Variants in PTGFRN observed in about 807,000 individuals in gnomAD.
PTGFRN encodes prostaglandin F2 receptor negative regulator.
Under a neutral mutation model 83.2 loss-of-function variants are expected in PTGFRN, and 35 were observed. The ratio of observed to expected loss-of-function variants is 0.42; its 90% CI spans 0.32 to 0.56. The LOEUF (loss-of-function observed/expected upper bound fraction) is 0.56, where lower values mean the gene tolerates loss of function less well. Among genes scored for constraint, PTGFRN ranks in the 20% least tolerant of loss-of-function variants. The probability of loss-of-function intolerance (pLI) is 0.11; values close to 1 mark genes in which losing one functional copy is unlikely to be tolerated. For synonymous variants in PTGFRN, 519 were observed against 498.6 expected (o/e 1.04, Z -0.55); for missense variants, 1,051 against 1,179.5 (o/e 0.89, Z 1.60).
At chr1:116,983,156 A>G (rs547319293) in intron 7 of PTGFRN, among the ~76,000 whole-genome samples, 20 of 152,316 alleles carry the variant, frequency 1.3e-4, no homozygotes, top group South Asian at 1.0e-3. Flanking sequence ...TTTGCAGATG[A>G]GGAAACTAAG....
At chr1:116,942,297 C>A (rs1262817817) in intron 2 of PTGFRN, among the ~76,000 whole-genome samples, 2 of 152,156 alleles carry the variant, frequency 1.3e-5, no homozygotes, top group African/African-American at 4.8e-5. Context: ...CTCAGAGGGC[C>A]CTTTCTCTTC....
chr1:116,920,311 A>T (rs572199708), intron 1 of PTGFRN, among the ~76,000 whole-genome samples: 2 of 152,266 alleles, frequency 1.3e-5, no homozygotes, highest in Non-Finnish European at 2.9e-5. Context: ...TCACAGAAAC[A>T]GTAAAACTAA....
chr1:116,967,986 A>G (rs1650887176), intron 6 of PTGFRN, among the ~76,000 whole-genome samples: 1 of 152,224 alleles, frequency 6.6e-6, no homozygotes, highest in Non-Finnish European at 1.5e-5. Flanking sequence ...TTTAGGGAAC[A>G]TAGTGGAGTA....
At chr1:116,969,223 G>GT (rs772105695) in intron 6 of PTGFRN, among the ~76,000 whole-genome samples, 13 of 151,534 alleles carry the variant, frequency 8.6e-5, no homozygotes, top group Non-Finnish European at 1.8e-4. Flanking sequence ...TCTTCTAAGA[G>GT]TTTTATAGTT....
intron 1 of PTGFRN, among the ~76,000 whole-genome samples, chr1:116,929,370 ATC>A (rs1649736890): frequency 6.6e-6 from 1 of 152,102 alleles, no homozygotes; most frequent in African/African-American, 2.4e-5. Flanking sequence ...GCCCCATATA[ATC>A]TGTCTTTCCC....
chr1:116,969,664 T>C (rs1198658174), intron 6 of PTGFRN, among the ~76,000 whole-genome samples: 1 of 152,196 alleles, frequency 6.6e-6, no homozygotes, highest in Admixed American at 6.5e-5. Context: ...GGGATTGTGT[T>C]AACTCTGTAG....
intron 7 of PTGFRN, among the ~76,000 whole-genome samples, chr1:116,979,329 C>G (rs1651244605): frequency 1.3e-5 from 2 of 152,170 alleles, no homozygotes; most frequent in African/African-American, 2.4e-5. Flanking sequence ...CCATCCCCAT[C>G]AAGCTACCAA....
chr1:116,951,032 G>A (rs778819057), intron 4 of PTGFRN, among the ~76,000 whole-genome samples: 2 of 152,152 alleles, frequency 1.3e-5, no homozygotes, highest in African/African-American at 2.4e-5. Context: ...CTGATCCTTA[G>A]TGTATTGTAT....
chr1:116,944,404 G>T (rs1650132170), intron 2 of PTGFRN, among the ~76,000 whole-genome samples: 1 of 152,174 alleles, frequency 6.6e-6, no homozygotes, highest in Non-Finnish European at 1.5e-5. Flanking sequence ...TTGCCTTAAG[G>T]GTAGCAGAAG....
intron 1 of PTGFRN, among the ~76,000 whole-genome samples, chr1:116,916,872 C>G (rs926183885): frequency 6.6e-6 from 1 of 152,032 alleles, no homozygotes; most frequent in Non-Finnish European, 1.5e-5. Context: ...GATCTGCCCT[C>G]AAAGAGTTGG....
At position 116,990,299 on chromosome 1, in the gene PTGFRN, ATAT is replaced by A. The variant is rs1438063015; in HGVS notation, c.*3336_*3338del. ...GTATTGTTTTATACTGTGACCACAAATATTATGCAATGCACCATTTGTTTTTTA... is the reference window on the plus strand; with the variant it reads ...GTATTGTTTTATACTGTGACCACAAATATGCAATGCACCATTTGTTTTTTA... On this transcript the variant is annotated 3_prime_UTR_variant, in exon 9 of 9. Coordinates refer to ENST00000393203, the MANE Select transcript of PTGFRN (RefSeq NM_020440.4). 2.6e-5 allele frequency: 4 copies of A among 152,786 alleles called. No homozygotes were observed. The East Asian group carries it at 7.7e-4, about 29-fold the overall frequency. 9.5% of individuals were successfully genotyped at this position (152,786 alleles called of 1,614,324 possible). A position where few individuals can be genotyped will look rare whatever the true frequency, so the allele number is the denominator to read the frequency against.
At chr1:116,942,424 T>A (rs1385057889) in intron 2 of PTGFRN, among the ~76,000 whole-genome samples, 3 of 152,166 alleles carry the variant, frequency 2.0e-5, no homozygotes, top group African/African-American at 7.2e-5. Context: ...AGTTGCTGGC[T>A]CTACTACTTG....
intron 1 of PTGFRN, among the ~76,000 whole-genome samples, chr1:116,931,691 G>C (rs1477499298): frequency 6.6e-6 from 1 of 151,994 alleles, no homozygotes; most frequent in Non-Finnish European, 1.5e-5. Flanking sequence ...TTTCCTGTCA[G>C]ACCTCTCAGT....
chr1:116,971,198 T>TA (rs533679530), intron 6 of PTGFRN, among the ~76,000 whole-genome samples: 304 of 152,320 alleles, frequency 2.0e-3, no homozygotes, highest in Non-Finnish European at 3.7e-3. Context: ...CCTTTAGTGT[T>TA]ATAAGATCAG....
chr1:116,986,780 C>T, intron 8 of PTGFRN, 21 bp from the exon 9 acceptor site: 2 of 1,612,540 alleles, frequency 1.2e-6, no homozygotes, highest in Middle Eastern at 3.3e-4. Context: ...ACTGGCTTCC[C>T]CTTTGATCTC....
At chr1:116,980,456 A>G (rs960805691) in intron 7 of PTGFRN, among the ~76,000 whole-genome samples, 2 of 152,252 alleles carry the variant, frequency 1.3e-5, no homozygotes, top group Non-Finnish European at 2.9e-5. Context: ...GAACCAACCC[A>G]AATGTCCATC....
Position 116,920,875 on chromosome 1 carries a change from C to T in PTGFRN, c.49+10623C>T, listed in dbSNP as rs187610446. ...CTGGCCTCAAGTGATCCACCTGCCT[C>T]AGCCTCCCAAAGTGCTGGGATTACA... On this transcript the variant is annotated intron_variant, in intron 1 of 8. Transcript: ENST00000393203. 3.7e-3 allele frequency among the ~76,000 whole-genome samples: 556 copies of T among 152,314 alleles called. 2 individuals carry two copies. Among genetic ancestry groups the T allele is most frequent in the Non-Finnish European group, 6.9e-3 (467 of 68,020 alleles).
chr1:116,966,969 A>G lies in PTGFRN; in HGVS notation c.1698A>G (p.Thr566=), dbSNP rs759225173. 4 of 1,613,478 alleles carry G rather than the reference A, an allele frequency of 2.5e-6. No homozygotes were observed. Among genetic ancestry groups the G allele is most frequent in the Non-Finnish European group, 3.4e-6 (4 of 1,179,598 alleles). ...QPKPFFAAGN[T]FEMTCKVSSK... is the part of the protein sequence containing the mutation. ...AGCCTTTCTTTGCTGCCGGAAATAC[A>G]TTTGAGATGACTTGCAAAGTATCTT... The change falls in exon 6 of 9, where the codon ACA becomes ACG. Residue 566 remains threonine, a synonymous_variant. Transcript: ENST00000393203.
At chr1:116,978,637 A>G (rs934722881) in intron 7 of PTGFRN, among the ~76,000 whole-genome samples, 5 of 152,352 alleles carry the variant, frequency 3.3e-5, no homozygotes, top group Admixed American at 2.6e-4. Flanking sequence ...GATTATCTCA[A>G]TAGATGCAGA....
Sources: allele counts gnomAD v4.1 joint callset (sites outside exome capture counted in the v4.1 genomes callset), GRCh38; gene constraint gnomAD v4.1.1; transcripts MANE v1.5; gene names NCBI Gene and HGNC (gene_info 2026-07-23, HGNC 2026-07-21).